GRID1: variants seen among roughly 807,000 people sequenced by gnomAD.
GRID1 encodes the protein glutamate ionotropic receptor delta type subunit 1.
A neutral mutation model predicts 98.0 loss-of-function variants in GRID1; 28 were observed. The observed-to-expected ratio is 0.29, with a 90% CI of 0.21 to 0.39. GRID1 has a LOEUF of 0.39. Ranked by LOEUF, GRID1 falls within the 10% of genes least tolerant of loss-of-function variation. The pLI is 1.00. For synonymous variants in GRID1, 553 were observed against 538.5 expected, an observed-to-expected ratio of 1.03 and a Z score of -0.37; for missense variants, 1,111 against 1,340.5, an observed-to-expected ratio of 0.83 and a Z score of 2.67.
At chr10:85,854,393 T>C (rs1843088451) in intron 8 of GRID1, 103 bp downstream of exon 8, 2 of 998,058 alleles carry the variant, frequency 2.0e-6, no homozygotes. Flanking sequence ...GGAGGATATC[T>C]GTGCTAGTTA....
At chr10:85,695,147 G>A (rs1156491703) in intron 12 of GRID1, among the ~76,000 whole-genome samples, 1 of 152,036 alleles carries the variant, frequency 6.6e-6, no homozygotes, top group Admixed American at 6.6e-5. Flanking sequence ...CCTTGAATAT[G>A]TCAACTTTAG....
chr10:86,215,733 C>T (rs982194262), intron 2 of GRID1, among the ~76,000 whole-genome samples: 1 of 152,192 alleles, frequency 6.6e-6, no homozygotes, highest in African/African-American at 2.4e-5. Flanking sequence ...CCTCACTCTG[C>T]CTTTGAATGT....
At chr10:85,896,684 T>C (rs1841298775) in intron 5 of GRID1, among the ~76,000 whole-genome samples, 1 of 152,222 alleles carries the variant, frequency 6.6e-6, no homozygotes, top group Non-Finnish European at 1.5e-5. Context: ...AACAATGCAG[T>C]GCACCTTTTT....
intron 4 of GRID1, among the ~76,000 whole-genome samples, chr10:85,930,607 T>C (rs921136494): frequency 6.6e-6 from 1 of 151,928 alleles, no homozygotes; most frequent in Admixed American, 6.6e-5. Flanking sequence ...CTATTATGCT[T>C]ACTTTTATCT....
chr10:85,785,539 T>A (rs1277201366), intron 8 of GRID1, among the ~76,000 whole-genome samples: 1 of 152,168 alleles, frequency 6.6e-6, no homozygotes, highest in East Asian at 1.9e-4. Context: ...AAGCTGTTTT[T>A]AAATATTGAA....
At chr10:85,743,024 G>A (rs774764919) in intron 8 of GRID1, among the ~76,000 whole-genome samples, 7 of 122,672 alleles carry the variant, frequency 5.7e-5, no homozygotes, top group African/African-American at 1.2e-4. Flanking sequence ...CCTCTCCCCC[G>A]ACTCCCCGGC....
chr10:85,659,716 G>A (rs1220680057), intron 12 of GRID1, among the ~76,000 whole-genome samples: 1 of 152,210 alleles, frequency 6.6e-6, no homozygotes, highest in African/African-American at 2.4e-5. Context: ...AGGGAATTGG[G>A]AGGAGAAGGT....
At chr10:86,354,464 C>A (rs189494721) in intron 2 of GRID1, among the ~76,000 whole-genome samples, 1 of 152,322 alleles carries the variant, frequency 6.6e-6, no homozygotes, top group Admixed American at 6.5e-5. Flanking sequence ...GCGCTAAGCA[C>A]CCCTCTCTCG....
At chr10:85,670,584 G>T (rs1841073669) in intron 12 of GRID1, among the ~76,000 whole-genome samples, 1 of 152,164 alleles carries the variant, frequency 6.6e-6, no homozygotes, top group Non-Finnish European at 1.5e-5. Context: ...AATTGAGGAT[G>T]ACTGCAAGGG....
intron 4 of GRID1, among the ~76,000 whole-genome samples, chr10:86,078,909 C>T (rs1212811736): frequency 6.6e-6 from 1 of 152,240 alleles, no homozygotes; most frequent in Non-Finnish European, 1.5e-5. Context: ...CAGGTAGACT[C>T]CCTGGACCCA....
intron 4 of GRID1, among the ~76,000 whole-genome samples, chr10:85,973,490 C>G (rs1842433677): frequency 6.6e-6 from 1 of 152,072 alleles, no homozygotes; most frequent in Non-Finnish European, 1.5e-5. Context: ...GGAACTCTTT[C>G]AGATTTGTCT....
At chr10:85,909,076 A>G (rs926688191) in intron 5 of GRID1, among the ~76,000 whole-genome samples, 1 of 152,252 alleles carries the variant, frequency 6.6e-6, no homozygotes, top group South Asian at 2.1e-4. Flanking sequence ...AAGAATTTTC[A>G]GAACTCAATA....
intron 3 of GRID1, among the ~76,000 whole-genome samples, chr10:86,153,765 C>T (rs907920740): frequency 2.0e-5 from 3 of 152,134 alleles, no homozygotes; most frequent in East Asian, 3.9e-4. Flanking sequence ...AAATTAAAGC[C>T]ACATCAATAT....
At chr10:85,984,084 T>C (rs1186796609) in intron 4 of GRID1, among the ~76,000 whole-genome samples, 1 of 151,730 alleles carries the variant, frequency 6.6e-6, no homozygotes, top group African/African-American at 2.4e-5. Flanking sequence ...CTCCTCTCCA[T>C]CTCTCCTCCA....
chr10:85,786,030 C>T (rs565450164), intron 8 of GRID1, among the ~76,000 whole-genome samples: 1 of 152,232 alleles, frequency 6.6e-6, no homozygotes, highest in African/African-American at 2.4e-5. Context: ...TACACATGCA[C>T]ATACCACAGA....
chr10:86,140,088 A>G (rs566280894), intron 3 of GRID1, among the ~76,000 whole-genome samples: 2 of 152,212 alleles, frequency 1.3e-5, no homozygotes, highest in South Asian at 2.1e-4. Flanking sequence ...TCCATGAGCC[A>G]GTGAATGCCT....
chr10:85,969,300 T>A (rs1842377640), intron 4 of GRID1, among the ~76,000 whole-genome samples: 2 of 152,084 alleles, frequency 1.3e-5, no homozygotes, highest in Admixed American at 1.3e-4. Flanking sequence ...AGACAGAAGT[T>A]CAATCAGGAA....
intron 8 of GRID1, among the ~76,000 whole-genome samples, chr10:85,786,541 T>C (rs1283648718): frequency 6.6e-6 from 1 of 152,140 alleles, no homozygotes; most frequent in Non-Finnish European, 1.5e-5. Flanking sequence ...GAGGAGCACA[T>C]TGGAACCACG....
At chr10:86,300,508 GGGGAA>G (rs1847667232) in intron 2 of GRID1, among the ~76,000 whole-genome samples, 1 of 20,682 alleles carries the variant, frequency 4.8e-5, no homozygotes, top group Non-Finnish European at 1.8e-4. Flanking sequence ...AGACAGGGGA[GGGGAA>G]GGGAGGGGAA....
Sources: allele counts gnomAD v4.1 joint callset (sites outside exome capture counted in the v4.1 genomes callset), GRCh38; gene constraint gnomAD v4.1.1; transcripts MANE v1.5; gene names NCBI Gene and HGNC (gene_info 2026-07-23, HGNC 2026-07-21).